Variants in CORIN observed in about 807,000 individuals in gnomAD.
CORIN encodes the protein atrial natriuretic peptide-converting enzyme.
A neutral mutation model predicts 125.3 loss-of-function variants in CORIN; 117 were observed. The ratio of observed to expected loss-of-function variants is 0.93; its 90% CI spans 0.80 to 1.09. The LOEUF (loss-of-function observed/expected upper bound fraction) is 1.09, where lower values mean the gene tolerates loss of function less well. Among genes scored for constraint, CORIN ranks in the 50% least tolerant of loss-of-function variants. The pLI is 0.00. For missense variants in CORIN, 1,253 were observed against 1,306.7 expected (o/e 0.96, Z 0.63); for synonymous variants, 450 against 466.4 (o/e 0.96, Z 0.45).
intron 19 of CORIN, among the ~76,000 whole-genome samples, chr4:47,605,075 A>G (rs1721599306): frequency 1.3e-5 from 2 of 152,012 alleles, no homozygotes; most frequent in Non-Finnish European, 1.5e-5. Flanking sequence ...GGGTCCTACC[A>G]TTACTCCTTC....
chr4:47,739,660 G>C (rs1273448920), intron 5 of CORIN, among the ~76,000 whole-genome samples: 1 of 150,996 alleles, frequency 6.6e-6, no homozygotes, highest in Non-Finnish European at 1.5e-5. Flanking sequence ...TAAAAGAAAT[G>C]TATTTTTTCT....
At chr4:47,794,885 T>A (rs569403457) in intron 2 of CORIN, among the ~76,000 whole-genome samples, 1 of 152,308 alleles carries the variant, frequency 6.6e-6, no homozygotes, top group East Asian at 1.9e-4. Flanking sequence ...AGAGCTTTTT[T>A]TTCCGATGTT....
At chr4:47,661,023 GCAA>G (rs141624162) in intron 12 of CORIN, among the ~76,000 whole-genome samples, 4,206 of 152,280 alleles carry the variant, frequency 0.028, 199 homozygotes, top group African/African-American at 0.095. Flanking sequence ...CCTGTCGTTT[GCAA>G]CAACAAGGAT....
chr4:47,648,077 T>G (rs71612002), intron 13 of CORIN, among the ~76,000 whole-genome samples: 1,996 of 152,294 alleles, frequency 0.013, 13 homozygotes, highest in Middle Eastern at 0.044. Context: ...AAGAGAGAGA[T>G]ATTAGTTACA....
At chr4:47,814,173 G>T (rs1188572829) in intron 1 of CORIN, among the ~76,000 whole-genome samples, 1 of 152,078 alleles carries the variant, frequency 6.6e-6, no homozygotes, top group East Asian at 1.9e-4. Context: ...CCAGCCTCAA[G>T]GATAATAAAG....
chr4:47,653,704 A>T, intron 12 of CORIN, 44 bp from the exon 13 acceptor site: 1 of 1,489,334 alleles, frequency 6.7e-7, no homozygotes, highest in Non-Finnish European at 9.4e-7. Flanking sequence ...AAACCCAGAA[A>T]CATCAGCTAA....
intron 4 of CORIN, among the ~76,000 whole-genome samples, chr4:47,747,383 A>T (rs1243331525): frequency 6.6e-6 from 1 of 152,170 alleles, no homozygotes; most frequent in Non-Finnish European, 1.5e-5. Flanking sequence ...AAAGGGAAAA[A>T]AAAACATTCA....
intron 1 of CORIN, among the ~76,000 whole-genome samples, chr4:47,815,702 G>T (rs1390159306): frequency 6.6e-6 from 1 of 152,088 alleles, no homozygotes; most frequent in African/African-American, 2.4e-5. Context: ...AGTCTTAAAG[G>T]TCAGTTTTTC....
chr4:47,623,096 C>CTCTCTATATA (rs771867590), intron 19 of CORIN, among the ~76,000 whole-genome samples: 1,422 of 102,118 alleles, frequency 0.014, 17 homozygotes, highest in East Asian at 0.066. Context: ...CTCTCTCTCT[C>CTCTCTATATA]TATATATATA....
At chr4:47,823,528 G>A (rs1407084767) in intron 1 of CORIN, among the ~76,000 whole-genome samples, 3 of 152,094 alleles carry the variant, frequency 2.0e-5, no homozygotes, top group Non-Finnish European at 4.4e-5. Context: ...TATTTATATT[G>A]TGTGTGCATT....
intron 5 of CORIN, among the ~76,000 whole-genome samples, chr4:47,703,887 T>C (rs1726424670): frequency 6.6e-6 from 1 of 152,222 alleles, no homozygotes; most frequent in Non-Finnish European, 1.5e-5. Flanking sequence ...CCCAGATAAC[T>C]GGAGGAGAAA....
intron 9 of CORIN, among the ~76,000 whole-genome samples, chr4:47,677,550 G>A (rs980431941): frequency 2.0e-5 from 3 of 152,110 alleles, no homozygotes; most frequent in Non-Finnish European, 2.9e-5. Context: ...GCATTAAACT[G>A]CTTCTCTGAA....
At chr4:47,758,692 T>C (rs1248436606) in intron 4 of CORIN, among the ~76,000 whole-genome samples, 3 of 152,254 alleles carry the variant, frequency 2.0e-5, no homozygotes, top group African/African-American at 4.8e-5. Context: ...AATTGAATCA[T>C]AGGGGCAGTT....
rs1368551217 is a variant in CORIN, at chr4:47,753,110, T to C, written c.618-8527A>G. Among the ~76,000 whole-genome samples, 3 of 152,178 alleles carry C rather than the reference T, an allele frequency of 2.0e-5. No homozygotes were observed. In the East Asian group the frequency reaches 5.8e-4, roughly 29 times the overall value. On this transcript the variant is annotated intron_variant, in intron 4 of 21. Coordinates refer to ENST00000273857, the MANE Select transcript of CORIN (RefSeq NM_006587.4). ...AGTACAAAGAGAGGAATTTTACTGT[T>C]GGGCCTCCAGGGGTGACATCACATA... is the stretch of plus-strand genomic sequence containing the variant.
At chr4:47,828,238 AC>A (rs1399326626) in intron 1 of CORIN, among the ~76,000 whole-genome samples, 1 of 152,096 alleles carries the variant, frequency 6.6e-6, no homozygotes, top group Non-Finnish European at 1.5e-5. Context: ...TGATAAGAGC[AC>A]CTTTTGTTCT....
intron 1 of CORIN, among the ~76,000 whole-genome samples, chr4:47,819,240 G>A (rs1732400750): frequency 6.6e-6 from 1 of 152,140 alleles, no homozygotes; most frequent in South Asian, 2.1e-4. Context: ...AGATTTACTT[G>A]AACATGAAAG....
rs142215201 is a variant in CORIN, at chr4:47,675,824, C to T, written c.1250-1324G>A. 2.9e-3 allele frequency among the ~76,000 whole-genome samples: 442 copies of T among 152,264 alleles called. 2 individuals carry two copies. Among genetic ancestry groups the T allele is most frequent in the Non-Finnish European group, 4.0e-3 (269 of 68,038 alleles). ...CTGGTCTCAAGTAATTCTCCTGCCT[C>T]GGCCACCCAAAGTGCTGGGATTACA... On this transcript the variant is annotated intron_variant, in intron 9 of 21. Coordinates refer to ENST00000273857, the MANE Select transcript of CORIN (RefSeq NM_006587.4).
At chr4:47,674,800 C>T (rs1467633550) in intron 9 of CORIN, among the ~76,000 whole-genome samples, 10 of 152,016 alleles carry the variant, frequency 6.6e-5, no homozygotes, top group Non-Finnish European at 1.3e-4. Flanking sequence ...TACATGGGTG[C>T]CAACACTTGA....
chr4:47,615,060 T>C (rs1722022305), intron 19 of CORIN, among the ~76,000 whole-genome samples: 1 of 152,166 alleles, frequency 6.6e-6, no homozygotes, highest in African/African-American at 2.4e-5. Context: ...GGAAGTAGTT[T>C]TATGACTCTA....
Sources: gnomAD v4.1 joint callset for allele counts (sites outside exome capture counted in the v4.1 genomes callset) on GRCh38, gnomAD v4.1.1 for gene constraint, MANE v1.5 for transcripts, NCBI Gene and HGNC (gene_info 2026-07-23, HGNC 2026-07-21) for gene names.